Variants in CLUAP1 observed in about 807,000 individuals in gnomAD.
CLUAP1 encodes the protein intraflagellar transport 38, also known as clusterin-associated protein 1.
CLUAP1 carries 50 observed loss-of-function variants against 55.0 expected under a neutral mutation model. That is an observed-to-expected ratio of 0.91 (90% confidence interval 0.72 to 1.15). The LOEUF is 1.15. Among genes scored for constraint, CLUAP1 ranks in the 50% most tolerant of loss-of-function variants. CLUAP1 has a pLI of 0.00. For missense variants in CLUAP1, 530 were observed against 507.6 expected, an observed-to-expected ratio of 1.04 and a Z score of -0.42; for synonymous variants, 195 against 175.4, an observed-to-expected ratio of 1.11 and a Z score of -0.88.
intron 9 of CLUAP1, among the ~76,000 whole-genome samples, chr16:3,529,232 G>C (rs2151066276): frequency 6.7e-6 from 1 of 149,954 alleles, no homozygotes; most frequent in Non-Finnish European, 1.5e-5. Flanking sequence ...CATAGTACTT[G>C]GTATGTGGCA....
At chr16:3,526,690 A>G (rs572521603) in intron 9 of CLUAP1, among the ~76,000 whole-genome samples, 6 of 152,246 alleles carry the variant, frequency 3.9e-5, no homozygotes, top group African/African-American at 1.4e-4. Context: ...AGGTACAAAA[A>G]TATTTTCAAA....
chr16:3,533,054 C>A, intron 11 of CLUAP1: 2 of 1,513,536 alleles, frequency 1.3e-6, no homozygotes, highest in Non-Finnish European at 1.8e-6. Flanking sequence ...GCTTGCTCTG[C>A]TTTTTTTGCC....
At chr16:3,533,386 G>A (rs1407841749) in intron 11 of CLUAP1, 3 of 546,716 alleles carry the variant, frequency 5.5e-6, no homozygotes, top group Non-Finnish European at 9.9e-6. Context: ...CAGGCCCTGG[G>A]CCGCCACCTA....
At chr16:3,519,806 A>G (rs1596394787) in intron 6 of CLUAP1, 97 bp from the exon 7 acceptor site, 4 of 1,236,846 alleles carry the variant, frequency 3.2e-6, no homozygotes, top group South Asian at 1.7e-5. Flanking sequence ...TTTGTTGAGC[A>G]TAATGTTGCT....
chr16:3,498,538 G>A (rs1413669787), upstream of CLUAP1, among the ~76,000 whole-genome samples: 1 of 152,106 alleles, frequency 6.6e-6, no homozygotes, highest in African/African-American at 2.4e-5. Context: ...GCTGGGCATG[G>A]TGGCTCACAC....
intron 5 of CLUAP1, among the ~76,000 whole-genome samples, chr16:3,514,653 A>G (rs1224044856): frequency 6.6e-6 from 1 of 152,224 alleles, no homozygotes; most frequent in Non-Finnish European, 1.5e-5. Flanking sequence ...TCTAGATGAA[A>G]GCACTAGCAG....
At chr16:3,536,078 A>G (rs374262930) in intron 11 of CLUAP1, 44 bp from the exon 12 acceptor site, 8 of 1,604,060 alleles carry the variant, frequency 5.0e-6, no homozygotes, top group African/African-American at 1.3e-5. Context: ...GATGTCAGGA[A>G]TGAGGCAGGA....
chr16:3,524,960 G>T (rs2037913127), intron 8 of CLUAP1, among the ~76,000 whole-genome samples: 1 of 152,174 alleles, frequency 6.6e-6, no homozygotes, highest in Non-Finnish European at 1.5e-5. Context: ...CCTTTCTCAT[G>T]CCCTTGACAG....
chr16:3,496,317 G>A (rs1410027643), upstream of CLUAP1: 19 of 1,063,488 alleles, frequency 1.8e-5, no homozygotes, highest in Admixed American at 1.8e-5. Flanking sequence ...CCGTCCAGAC[G>A]AACTAACTCC....
intron 1 of CLUAP1, among the ~76,000 whole-genome samples, chr16:3,503,554 C>T (rs187076382): frequency 1.1e-3 from 162 of 152,182 alleles, no homozygotes; most frequent in Non-Finnish European, 2.2e-3. Flanking sequence ...TCCTCGGCTC[C>T]CAAAGTGCTG....
the CLUAP1 span, chr16:3,495,636 C>A: frequency 2.3e-5 from 14 of 609,164 alleles, no homozygotes; most frequent in Non-Finnish European, 2.5e-5. Context: ...GGGGCCAGAA[C>A]CCTGGGGGAA....
chr16:3,496,741 C>T, upstream of CLUAP1: 1 of 517,132 alleles, frequency 1.9e-6, no homozygotes. Flanking sequence ...GCGCCAGAGG[C>T]CTACGGGCCA....
chr16:3,510,579 G>A (rs74005824), intron 4 of CLUAP1, among the ~76,000 whole-genome samples: 4,780 of 152,300 alleles, frequency 0.031, 227 homozygotes, highest in African/African-American at 0.1. Context: ...TGGGGCAGCC[G>A]TGCGGCAGAG....
intron 10 of CLUAP1, among the ~76,000 whole-genome samples, chr16:3,531,455 G>C (rs1157388534): frequency 6.6e-6 from 1 of 152,048 alleles, no homozygotes; most frequent in Non-Finnish European, 1.5e-5. Flanking sequence ...CCAGGAGGCG[G>C]AGCTTGCAGT....
In CLUAP1 at chr16:3,501,021, T is replaced by G. The variant is rs1381801758; in HGVS notation, c.-47T>G. Reference sequence around the variant, plus strand: ...CGTCGAGCGCTGGGCCTGTGATCGCTGAGGGGCGAGCAGTTGCGACCCTGG... The same window carrying G: ...CGTCGAGCGCTGGGCCTGTGATCGCGGAGGGGCGAGCAGTTGCGACCCTGG... On this transcript the variant is annotated 5_prime_UTR_variant, in exon 1 of 12. Transcript: ENST00000576634. 2 of 1,585,606 alleles carry G rather than the reference T, an allele frequency of 1.3e-6. No homozygotes were observed. Among genetic ancestry groups the G allele is most frequent in the Non-Finnish European group, 1.7e-6 (2 of 1,167,742 alleles).
At chr16:3,524,118 A>G (rs980978725) in intron 8 of CLUAP1, among the ~76,000 whole-genome samples, 1 of 151,382 alleles carries the variant, frequency 6.6e-6, no homozygotes, top group Non-Finnish European at 1.5e-5. Flanking sequence ...GGGCAGCATA[A>G]TGAGACCCTG....
chr16:3,533,218 G>T, intron 11 of CLUAP1: 1 of 1,331,336 alleles, frequency 7.5e-7, no homozygotes. Context: ...GGGCCAGCCA[G>T]GGGCCTCTCC....
At chr16:3,507,994 C>T (rs1486241631) in intron 3 of CLUAP1, among the ~76,000 whole-genome samples, 1 of 152,116 alleles carries the variant, frequency 6.6e-6, no homozygotes, top group African/African-American at 2.4e-5. Context: ...ATAACCTGTA[C>T]ATCTCATTTT....
chr16:3,519,182 T>G (rs1034666896), intron 6 of CLUAP1, among the ~76,000 whole-genome samples: 1 of 152,224 alleles, frequency 6.6e-6, no homozygotes, highest in Admixed American at 6.5e-5. Context: ...GGGAGACTTG[T>G]GTCACCGTCA....
Sources: allele counts gnomAD v4.1 joint callset (sites outside exome capture counted in the v4.1 genomes callset), GRCh38; gene constraint gnomAD v4.1.1; transcripts MANE v1.5; gene names NCBI Gene and HGNC (gene_info 2026-07-23, HGNC 2026-07-21).